TBCD: variants seen among roughly 807,000 people sequenced by gnomAD.
The protein encoded by TBCD is tubulin folding cofactor D.
In TBCD, 105 loss-of-function variants were observed where a neutral mutation model predicts 169.3. The ratio of observed to expected loss-of-function variants is 0.62; its 90% CI spans 0.53 to 0.73. The LOEUF (loss-of-function observed/expected upper bound fraction) is 0.73. Among genes scored for constraint, TBCD ranks in the 30% least tolerant of loss-of-function variants. The pLI is 0.00. For synonymous variants in TBCD, 700 were observed against 643.9 expected (o/e 1.09, Z -1.32); for missense variants, 1,444 against 1,600.1 (o/e 0.90, Z 1.66).
At chr17:82,878,432 C>T (rs542993551) in intron 14 of TBCD, among the ~76,000 whole-genome samples, 182 of 152,326 alleles carry the variant, frequency 1.2e-3, no homozygotes, top group African/African-American at 4.0e-3. Context: ...GCCTGCTTTC[C>T]GCCCCTGTGG....
intron 13 of TBCD, among the ~76,000 whole-genome samples, chr17:82,828,153 A>ACAATT (rs2053075624): frequency 1.1e-5 from 1 of 87,846 alleles, no homozygotes; most frequent in South Asian, 4.6e-4. Context: ...ATACACCCAC[A>ACAATT]GACACACATG....
intron 35 of TBCD, 157 bp from the exon 36 acceptor site, chr17:82,937,892 T>TGC (rs1568099612): frequency 2.0e-6 from 3 of 1,528,154 alleles, no homozygotes; most frequent in Admixed American, 3.9e-5. Flanking sequence ...AGTGCAGATG[T>TGC]ACGCACACAC....
At chr17:82,826,887 C>T (rs943170718) in intron 13 of TBCD, among the ~76,000 whole-genome samples, 31 of 152,268 alleles carry the variant, frequency 2.0e-4, no homozygotes, top group African/African-American at 6.7e-4. Context: ...GCCATCCTCC[C>T]GCCTCAGCCT....
chr17:82,929,900 G>C (rs1568076792), intron 32 of TBCD: 1 of 372,486 alleles, frequency 2.7e-6, no homozygotes, highest in Non-Finnish European at 5.1e-6. Flanking sequence ...CTGTGGGGAG[G>C]GTCTCCAGAG....
intron 9 of TBCD, among the ~76,000 whole-genome samples, chr17:82,805,478 G>A (rs996255391): frequency 3.3e-5 from 5 of 152,198 alleles, no homozygotes; most frequent in South Asian, 4.1e-4. Flanking sequence ...ATGAAGGGGC[G>A]GTGTGTGGCC....
chr17:82,936,569 C>G (rs1464651235), intron 34 of TBCD, among the ~76,000 whole-genome samples: 1 of 152,228 alleles, frequency 6.6e-6, no homozygotes, highest in African/African-American at 2.4e-5. Context: ...TAAGCCTGTG[C>G]TTTGGCAGGC....
intron 23 of TBCD, among the ~76,000 whole-genome samples, chr17:82,912,694 C>A (rs2060731862): frequency 6.6e-6 from 1 of 152,032 alleles, no homozygotes; most frequent in Admixed American, 6.6e-5. Context: ...TTCGGGGAAC[C>A]CACGGCCGGA....
intron 1 of TBCD, 100 bp from the exon 2 acceptor site, chr17:82,756,065 A>T: frequency 9.5e-7 from 1 of 1,052,992 alleles, no homozygotes; most frequent in South Asian, 1.4e-5. Flanking sequence ...GAAGAGGTGG[A>T]GCTGCCCTGT....
At chr17:82,776,784 A>G (rs557698932) in intron 6 of TBCD, among the ~76,000 whole-genome samples, 1 of 152,216 alleles carries the variant, frequency 6.6e-6, no homozygotes, top group African/African-American at 2.4e-5. Flanking sequence ...GGGTCTGCAC[A>G]CCTGGTGGCT....
chr17:82,759,219 A>AT (rs1393511348), intron 2 of TBCD, among the ~76,000 whole-genome samples: 1 of 152,020 alleles, frequency 6.6e-6, no homozygotes, highest in African/African-American at 2.4e-5. Context: ...GCAGTAGCTC[A>AT]TGCCTCTGAT....
intron 13 of TBCD, among the ~76,000 whole-genome samples, chr17:82,845,663 TC>T (rs144975898): frequency 0.027 from 4,134 of 152,272 alleles, 210 homozygotes; most frequent in African/African-American, 0.093. Context: ...CCCGGTCCCT[TC>T]CGCAGCAGCA....
intron 13 of TBCD, among the ~76,000 whole-genome samples, chr17:82,820,760 T>C (rs2052349078): frequency 1.3e-5 from 2 of 151,844 alleles, no homozygotes; most frequent in African/African-American, 4.8e-5. Flanking sequence ...AGTCCTCTTG[T>C]TATGTTAATA....
chr17:82,832,613 C>CCGCCAGATGACGGAGG lies in TBCD; in HGVS notation c.1318+17680_1318+17681insGCCAGATGACGGAGGC. ...CTGCGTGCTGAGGGTCTGGCGAGAGCCTCCGTCATCTGGCGGCTGGGAGCT... is the reference window on the plus strand; with the variant it reads ...CTGCGTGCTGAGGGTCTGGCGAGAGCCGCCAGATGACGGAGGCTCCGTCATCTGGCGGCTGGGAGCT... On this transcript the variant is annotated intron_variant, in intron 13 of 38. Transcript: ENST00000355528. This position sits in a 1 kb window ranked among gnomAD's most constrained non-coding sequence, Gnocchi z 4.9. 1 of 691,778 alleles carries CCGCCAGATGACGGAGG rather than the reference C, an allele frequency of 1.4e-6. No homozygotes were observed. The highest frequency in any genetic ancestry group is 2.5e-6 in the Non-Finnish European group (1 of 398,624). The allele number at this position is 691,778 out of a possible 1,614,324, so 42.9% of individuals were successfully genotyped here.
chr17:82,831,124 C>T lies in TBCD; in HGVS notation c.1318+16190C>T, dbSNP rs376491772. The T allele has an allele frequency of 2.2e-5, 35 of 1,614,052 alleles. No individual in the cohort carries two copies. Among genetic ancestry groups the T allele is most frequent in the Non-Finnish European group, 2.6e-5 (31 of 1,180,036 alleles). On this transcript the variant is annotated intron_variant, in intron 13 of 38. Transcript: ENST00000355528. This position sits in a 1 kb window ranked among gnomAD's most constrained non-coding sequence, Gnocchi z 4.6. ...GAGGCTTTGCTCTGGCGGGTAGAGT[C>T]TTCCCAGTGCGCTGGAGGCTGCCTT...
chr17:82,860,820 G>GC (rs2056694287), intron 13 of TBCD, among the ~76,000 whole-genome samples: 1 of 152,196 alleles, frequency 6.6e-6, no homozygotes, highest in Non-Finnish European at 1.5e-5. Flanking sequence ...GAGGGTCTCT[G>GC]CCCCGCCCCT....
At position 82,834,374 on chromosome 17, in the gene TBCD, TA is replaced by T. The variant is rs1018285868; in HGVS notation, c.1318+19442del. On this transcript the variant is annotated intron_variant, in intron 13 of 38. Transcript: ENST00000355528. ...GGGTGGAGGTGCAATGGATCAAGGC[TA>T]AGCACTTTAATTCGTATTAAAAATG... 5.9e-5 allele frequency among the ~76,000 whole-genome samples: 9 copies of T among 152,314 alleles called. No homozygotes were observed. The East Asian group carries it at 1.5e-3, about 26-fold the overall frequency.
chr17:82,897,529 A>C (rs1188120032), intron 17 of TBCD, among the ~76,000 whole-genome samples: 5 of 152,022 alleles, frequency 3.3e-5, no homozygotes, highest in African/African-American at 4.8e-5. Context: ...AAAAAAAAAA[A>C]AAAAATCAGC....
rs776238156 is a variant in TBCD, at chr17:82,772,490, T to C, written c.621T>C (p.Ala207=). ...TCAGTGACAAGGCCCGAGATGCAGC[T>C]GCTGTCCTTGTGTCCAGGTAAGTTT... ...LIVSDKARDA[A]AVLVSRFITR... Residue 207 remains alanine (A), a synonymous_variant, in exon 6 of 39, where the codon GCT becomes GCC. Coordinates refer to ENST00000355528, the MANE Select transcript of TBCD (RefSeq NM_005993.5). 2 of 1,613,880 alleles carry C rather than the reference T, an allele frequency of 1.2e-6. No homozygotes were observed. Among genetic ancestry groups the C allele is most frequent in the Non-Finnish European group, 1.7e-6 (2 of 1,179,886 alleles).
chr17:82,940,102 A>G (rs2062984369), intron 37 of TBCD, among the ~76,000 whole-genome samples: 1 of 152,098 alleles, frequency 6.6e-6, no homozygotes, highest in African/African-American at 2.4e-5. Flanking sequence ...GAGTGGGGAA[A>G]GTGCAGGCTC....
Sources: allele counts gnomAD v4.1 joint callset (sites outside exome capture counted in the v4.1 genomes callset), GRCh38; gene constraint gnomAD v4.1.1; non-coding constraint Gnocchi (gnomAD v3.1); transcripts MANE v1.5; gene names NCBI Gene and HGNC (gene_info 2026-07-23, HGNC 2026-07-21).